GRIN2B: variants seen among roughly 807,000 people sequenced by gnomAD.
The protein encoded by GRIN2B is glutamate receptor ionotropic, NMDA 2B.
Under a neutral mutation model 114.5 loss-of-function variants are expected in GRIN2B, and 5 were observed. The observed-to-expected ratio is 0.04, with a 90% confidence interval of 0.02 to 0.09. The LOEUF (loss-of-function observed/expected upper bound fraction) is 0.09, where lower values mean the gene tolerates loss of function less well. Among genes scored for constraint, GRIN2B ranks in the 10% least tolerant of loss-of-function variants. The pLI, the probability that GRIN2B is intolerant of heterozygous loss-of-function variation, is 1.00. For synonymous variants in GRIN2B, 787 were observed against 745.1 expected, an observed-to-expected ratio of 1.06 and a Z score of -0.92; for missense variants, 1,108 against 1,943.5, an observed-to-expected ratio of 0.57 and a Z score of 8.08.
At chr12:13,819,265 T>A (rs1265374431) in intron 3 of GRIN2B, among the ~76,000 whole-genome samples, 3 of 152,190 alleles carry the variant, frequency 2.0e-5, no homozygotes, top group African/African-American at 4.8e-5. Context: ...GACACCTTGA[T>A]CTTGCACTTC....
intron 2 of GRIN2B, among the ~76,000 whole-genome samples, chr12:13,912,090 C>T (rs1475708196): frequency 3.3e-5 from 5 of 152,102 alleles, no homozygotes; most frequent in Admixed American, 1.3e-4. Flanking sequence ...AGCTGCTACC[C>T]TGAAAGGGCA....
At chr12:13,775,250 A>G (rs1398898187) in intron 3 of GRIN2B, among the ~76,000 whole-genome samples, 1 of 152,200 alleles carries the variant, frequency 6.6e-6, no homozygotes, top group Non-Finnish European at 1.5e-5. Flanking sequence ...AACAGAAGAT[A>G]ACATAATAGG....
At chr12:13,801,810 T>C (rs1864519696) in intron 3 of GRIN2B, among the ~76,000 whole-genome samples, 1 of 152,164 alleles carries the variant, frequency 6.6e-6, no homozygotes, top group South Asian at 2.1e-4. Context: ...CTCACTGTCT[T>C]ACATGTCATC....
intron 5 of GRIN2B, chr12:13,670,404 G>C (rs991975579): frequency 6.6e-6 from 1 of 152,162 alleles, no homozygotes; most frequent in African/African-American, 2.4e-5. Context: ...GACCCAGACA[G>C]TCCCTTTAAG....
chr12:13,689,782 T>A (rs16909362), intron 4 of GRIN2B, among the ~76,000 whole-genome samples: 3,067 of 152,278 alleles, frequency 0.02, 112 homozygotes, highest in African/African-American at 0.071. Flanking sequence ...CATCTTTACA[T>A]GAACTCTTGC....
intron 4 of GRIN2B, among the ~76,000 whole-genome samples, chr12:13,720,884 T>C (rs1211355838): frequency 2.0e-5 from 3 of 152,112 alleles, no homozygotes; most frequent in African/African-American, 2.4e-5. Flanking sequence ...TAGAAACTTA[T>C]ATGAACAAAT....
chr12:13,721,471 C>A (rs1464737440), intron 4 of GRIN2B, among the ~76,000 whole-genome samples: 2 of 151,972 alleles, frequency 1.3e-5, no homozygotes, highest in Admixed American at 1.3e-4. Context: ...GATGAAAAGA[C>A]AGGCTCAATA....
At position 13,561,575 on chromosome 12, in the gene GRIN2B, C is replaced by T. The variant is rs199901170; in HGVS notation, c.*1208G>A. 3 of 152,628 alleles carry T rather than the reference C, an allele frequency of 2.0e-5. No individual in the cohort carries two copies. The highest frequency in any genetic ancestry group is 2.1e-4 in the South Asian group (1 of 4,832). 9.5% of individuals were successfully genotyped at this position (152,628 alleles called of 1,614,324 possible). A position where few individuals can be genotyped will look rare whatever the true frequency, so the allele number is the denominator to read the frequency against. Reference sequence around the variant, plus strand: ...CCTCTCTCACTTACCCTACCATACACGACTCCTTACTTCTTCAAAGGTGGC... The same window carrying T: ...CCTCTCTCACTTACCCTACCATACATGACTCCTTACTTCTTCAAAGGTGGC... On this transcript the variant is annotated 3_prime_UTR_variant, in exon 14 of 14. Transcript: ENST00000609686.
chr12:13,641,062 T>C (rs572912433), intron 5 of GRIN2B, among the ~76,000 whole-genome samples: 217 of 149,046 alleles, frequency 1.5e-3, no homozygotes, highest in African/African-American at 5.2e-3. Flanking sequence ...TGCTACTTAA[T>C]TGTATCATGC....
At chr12:13,596,039 A>G (rs1949069001) in intron 10 of GRIN2B, among the ~76,000 whole-genome samples, 1 of 152,132 alleles carries the variant, frequency 6.6e-6, no homozygotes, top group Admixed American at 6.5e-5. Context: ...GAAAAAAAAA[A>G]AAGGCTCACT....
intron 2 of GRIN2B, among the ~76,000 whole-genome samples, chr12:13,958,110 A>G (rs1203556714): frequency 6.6e-6 from 1 of 152,184 alleles, no homozygotes; most frequent in East Asian, 1.9e-4. Flanking sequence ...GAAGAGGTCT[A>G]TTTGCACCTT....
chr12:13,746,477 A>T (rs1483538657), intron 4 of GRIN2B, among the ~76,000 whole-genome samples: 1 of 152,038 alleles, frequency 6.6e-6, no homozygotes, highest in African/African-American at 2.4e-5. Context: ...TCCTTCCCAT[A>T]GACCATATTC....
At chr12:13,746,898 G>A (rs982851646) in intron 4 of GRIN2B, among the ~76,000 whole-genome samples, 6 of 152,122 alleles carry the variant, frequency 3.9e-5, no homozygotes, top group Non-Finnish European at 5.9e-5. Flanking sequence ...ACCATGAGTG[G>A]AAGTTTCCTG....
chr12:13,686,107 A>G (rs1388165783), intron 4 of GRIN2B, among the ~76,000 whole-genome samples: 1 of 152,162 alleles, frequency 6.6e-6, no homozygotes, highest in Non-Finnish European at 1.5e-5. Context: ...CCCACATCTT[A>G]TATTTCTAGA....
In GRIN2B at chr12:13,824,754, G is replaced by A. The variant is rs187939863; in HGVS notation, c.411+41044C>T. ...GCTTGTAATCTCAGCTACTTGGGAG[G>A]CTGAGGCAGGAGAATTGCTTGAACC... On this transcript the variant is annotated intron_variant, in intron 3 of 13. Coordinates refer to ENST00000609686, the MANE Select transcript of GRIN2B (RefSeq NM_000834.5). Among the ~76,000 whole-genome samples, 712 of 151,602 alleles carry A rather than the reference G, an allele frequency of 4.7e-3. 3 individuals carry two copies. The highest frequency in any genetic ancestry group is 0.012 in the South Asian group (57 of 4,794).
At chr12:13,899,675 A>G (rs1866411044) in intron 2 of GRIN2B, among the ~76,000 whole-genome samples, 1 of 144,154 alleles carries the variant, frequency 6.9e-6, no homozygotes, top group African/African-American at 2.4e-5. Flanking sequence ...GACATTGCCA[A>G]CTATCCACTT....
rs1052875219 is a variant in GRIN2B, at chr12:13,539,230, C to T, written c.*23553G>A. The T allele has an allele frequency of 3.9e-5, 6 of 152,228 alleles. No homozygotes were observed. Among genetic ancestry groups the T allele is most frequent in the African/African-American group, 1.4e-4 (6 of 41,454 alleles). The allele number at this position is 152,228 out of a possible 1,614,324, so 9.4% of individuals were successfully genotyped here. ...TGGAACTAGGGATTAGCCCTGCTGG[C>T]TTCTAGCCAGGGCTGCCATACATGA... On this transcript the variant is annotated 3_prime_UTR_variant, in exon 14 of 14. Transcript: ENST00000609686.
chr12:13,761,714 A>G lies in GRIN2B; in HGVS notation c.412-7799T>C, dbSNP rs528891600. ...TTTTTATTAAGAGGTGCCTTTCTAT[A>G]AAAGAGCAAGCTGACAAGTTCAGCA... On this transcript the variant is annotated intron_variant, in intron 3 of 13. Coordinates refer to ENST00000609686, the MANE Select transcript of GRIN2B (RefSeq NM_000834.5). Among the ~76,000 whole-genome samples the G allele has an allele frequency of 6.3e-4, 96 of 152,332 alleles. 1 individual carries two copies. Among genetic ancestry groups the G allele is most frequent in the African/African-American group, 2.1e-3 (88 of 41,574 alleles).
chr12:13,567,630 G>T (rs1318661183), intron 12 of GRIN2B, among the ~76,000 whole-genome samples: 1 of 152,136 alleles, frequency 6.6e-6, no homozygotes, highest in Non-Finnish European at 1.5e-5. Flanking sequence ...TAATTCTGTG[G>T]ATGGCATGGC....
Sources: gnomAD v4.1 joint callset for allele counts (sites outside exome capture counted in the v4.1 genomes callset) on GRCh38, gnomAD v4.1.1 for gene constraint, MANE v1.5 for transcripts, NCBI Gene and HGNC (gene_info 2026-07-23, HGNC 2026-07-21) for gene names.